Variants in FAM13A observed in about 807,000 individuals in gnomAD.
The protein encoded by FAM13A is protein FAM13A.
In FAM13A, 76 loss-of-function variants were observed where a neutral mutation model predicts 129.6. That is an observed-to-expected ratio of 0.59 (90% CI 0.49 to 0.71). The LOEUF (loss-of-function observed/expected upper bound fraction) is 0.71, where lower values mean the gene tolerates loss of function less well. Ranked by LOEUF, FAM13A falls within the 30% of genes least tolerant of loss-of-function variation. The pLI is 0.00. For synonymous variants in FAM13A, 443 were observed against 449.9 expected, an observed-to-expected ratio of 0.98 and a Z score of 0.20; for missense variants, 1,108 against 1,249.3, an observed-to-expected ratio of 0.89 and a Z score of 1.70.
At chr4:88,730,993 C>T (rs200349481) in intron 23 of FAM13A, among the ~76,000 whole-genome samples, 4 of 152,258 alleles carry the variant, frequency 2.6e-5, no homozygotes, top group Admixed American at 6.5e-5. Flanking sequence ...AAGAAAAAAG[C>T]GTTGGTGCCA....
At chr4:88,984,914 G>A (rs1351006450) in intron 4 of FAM13A, among the ~76,000 whole-genome samples, 2 of 152,072 alleles carry the variant, frequency 1.3e-5, no homozygotes, top group Non-Finnish European at 2.9e-5. Context: ...GTTACCATGA[G>A]ACCCAACAAT....
At chr4:88,887,659 T>C (rs1744671609) in intron 6 of FAM13A, among the ~76,000 whole-genome samples, 1 of 151,568 alleles carries the variant, frequency 6.6e-6, no homozygotes, top group African/African-American at 2.4e-5. Flanking sequence ...GCCTCCCAAA[T>C]AGCTGGGATT....
chr4:88,760,421 G>A lies in FAM13A; in HGVS notation c.1579-1520C>T, dbSNP rs1461619826. On this transcript the variant is annotated intron_variant, in intron 13 of 23. Coordinates refer to ENST00000264344, the MANE Select transcript of FAM13A (RefSeq NM_014883.4). ...AGATCGAGACCATCCTGGCTAACGC[G>A]GTGAAACCCCGCCTCTACTAAAAAT... Among the ~76,000 whole-genome samples the A allele has an allele frequency of 1.6e-4, 6 of 36,528 alleles. 2 individuals are homozygous for A. The highest frequency in any genetic ancestry group is 2.4e-4 in the Non-Finnish European group (2 of 8,398). 24.0% of individuals were successfully genotyped at this position (36,528 alleles called of 152,430 possible).
At chr4:88,782,956 C>A (rs1723235942) in intron 10 of FAM13A, among the ~76,000 whole-genome samples, 1 of 151,878 alleles carries the variant, frequency 6.6e-6, no homozygotes, top group Non-Finnish European at 1.5e-5. Flanking sequence ...TTTTCCTAGC[C>A]TTTTTTTCTG....
At chr4:89,042,229 T>G (rs1203354011) in intron 1 of FAM13A, among the ~76,000 whole-genome samples, 1 of 152,068 alleles carries the variant, frequency 6.6e-6, no homozygotes, top group Non-Finnish European at 1.5e-5. Context: ...ATGCTGTAAT[T>G]AAGCAGCAAC....
chr4:88,732,189 C>T lies in FAM13A; in HGVS notation c.2656G>A (p.Glu886Lys), dbSNP rs1351288592. Residue 886 changes from glutamate to lysine, a missense_variant, in exon 22 of 24, where the codon GAG becomes AAG. Glu to Lys is a moderately conservative substitution (Grantham distance 56). Coordinates refer to ENST00000264344, the MANE Select transcript of FAM13A (RefSeq NM_014883.4). ...ACATTGCTATCGTCTTCTGACCCCT[C>T]CTCTTCTTCCTGGAGATACACAGCA... ...SFFKEIKEEE[E>K]GSEDDSNVKP... The T allele has an allele frequency of 6.2e-7, 1 of 1,605,824 alleles. No individual in the cohort carries two copies. The highest frequency in any genetic ancestry group is 1.3e-5 in the African/African-American group (1 of 74,768).
intron 4 of FAM13A, among the ~76,000 whole-genome samples, chr4:88,972,718 T>A (rs1760300920): frequency 1.3e-5 from 2 of 152,090 alleles, no homozygotes; most frequent in South Asian, 4.1e-4. Flanking sequence ...GAGATTCTTG[T>A]GCCTTAGCCT....
chr4:88,973,131 A>ATTTTTTTTTT (rs70959640), intron 4 of FAM13A, among the ~76,000 whole-genome samples: 1 of 134,480 alleles, frequency 7.4e-6, no homozygotes, highest in African/African-American at 2.8e-5. Flanking sequence ...CCTAGGCATA[A>ATTTTTTTTTT]TTTTTTTTTT....
At chr4:88,907,926 A>G (rs1409800149) in intron 5 of FAM13A, among the ~76,000 whole-genome samples, 1 of 152,242 alleles carries the variant, frequency 6.6e-6, no homozygotes, top group Non-Finnish European at 1.5e-5. Context: ...AAGATCACAT[A>G]GACAGTGGCA....
chr4:88,782,302 A>G (rs1723107192), intron 10 of FAM13A, among the ~76,000 whole-genome samples: 1 of 152,074 alleles, frequency 6.6e-6, no homozygotes, highest in Non-Finnish European at 1.5e-5. Context: ...TGAGTTAAAA[A>G]AAAAAAGAAA....
intron 7 of FAM13A, among the ~76,000 whole-genome samples, chr4:88,837,436 C>T (rs888366440): frequency 1.3e-5 from 2 of 151,108 alleles, no homozygotes; most frequent in Non-Finnish European, 2.9e-5. Context: ...TCAGCCTTTG[C>T]CGGGCACGGT....
At chr4:88,847,648 C>G (rs1203550331) in intron 7 of FAM13A, among the ~76,000 whole-genome samples, 1 of 151,994 alleles carries the variant, frequency 6.6e-6, no homozygotes, top group African/African-American at 2.4e-5. Context: ...ATTACATAAA[C>G]AACAGGCCGG....
Position 88,822,944 on chromosome 4 carries a change from T to G in FAM13A, c.1008-17892A>C, listed in dbSNP as rs553100992. On this transcript the variant is annotated intron_variant, in intron 7 of 23. Transcript: ENST00000264344. ...GGCTTGATACAACTCAAAAAATACATAGCAGAATAAAATAAAATAGGAAAA... is the reference window on the plus strand; with the variant it reads ...GGCTTGATACAACTCAAAAAATACAGAGCAGAATAAAATAAAATAGGAAAA... 9 of 1,609,434 alleles carry G rather than the reference T, an allele frequency of 5.6e-6. No individual in the cohort carries two copies. The African/African-American group carries it at 8.0e-5, about 14-fold the overall frequency.
chr4:88,931,579 T>G (rs749690841), intron 5 of FAM13A, among the ~76,000 whole-genome samples: 16 of 152,198 alleles, frequency 1.1e-4, no homozygotes, highest in Non-Finnish European at 2.2e-4. Context: ...ATGTATCTAC[T>G]TACTATTCTG....
At chr4:89,048,466 G>C (rs1029919970) in intron 1 of FAM13A, among the ~76,000 whole-genome samples, 1 of 152,050 alleles carries the variant, frequency 6.6e-6, no homozygotes, top group African/African-American at 2.4e-5. Flanking sequence ...TGTGGGGGTG[G>C]GGAGGGATGG....
chr4:89,002,435 G>T (rs1239497498), intron 3 of FAM13A, among the ~76,000 whole-genome samples: 1 of 152,186 alleles, frequency 6.6e-6, no homozygotes, highest in Non-Finnish European at 1.5e-5. Context: ...GAAAATGTGA[G>T]ATTAGTGAAA....
At chr4:89,029,091 A>G (rs1194603418) in intron 2 of FAM13A, among the ~76,000 whole-genome samples, 1 of 152,210 alleles carries the variant, frequency 6.6e-6, no homozygotes, top group African/African-American at 2.4e-5. Context: ...CTCAGGTAAA[A>G]GAGATACCCA....
At chr4:88,901,079 A>G (rs1167016989) in intron 6 of FAM13A, among the ~76,000 whole-genome samples, 1 of 152,204 alleles carries the variant, frequency 6.6e-6, no homozygotes, top group Non-Finnish European at 1.5e-5. Context: ...GGTTCAAGTC[A>G]ACAAGAATAG....
intron 1 of FAM13A, among the ~76,000 whole-genome samples, chr4:89,039,140 A>G (rs1769777449): frequency 6.6e-6 from 1 of 152,224 alleles, no homozygotes; most frequent in South Asian, 2.1e-4. Flanking sequence ...TACAAAAGCT[A>G]GAAGAAAAAG....
Sources: gnomAD v4.1 joint callset for allele counts (sites outside exome capture counted in the v4.1 genomes callset) on GRCh38, gnomAD v4.1.1 for gene constraint, MANE v1.5 for transcripts, NCBI Gene and HGNC (gene_info 2026-07-23, HGNC 2026-07-21) for gene names.